The following TAF4B variants were observed in gnomAD, a reference collection of about 807,000 sequenced individuals.
TAF4B encodes transcription initiation factor TFIID subunit 4B.
Under a neutral mutation model 86.4 loss-of-function variants are expected in TAF4B, and 38 were observed. That is an observed-to-expected ratio of 0.44 (90% confidence interval 0.34 to 0.58). TAF4B has a LOEUF of 0.58. TAF4B is among the 20% of genes least tolerant of loss of function. The pLI is 0.02. For synonymous variants in TAF4B, 388 were observed against 391.2 expected (o/e 0.99, Z 0.10); for missense variants, 988 against 1,027.6 (o/e 0.96, Z 0.53).
At chr18:26,288,670 C>G (rs560328252) in intron 7 of TAF4B, among the ~76,000 whole-genome samples, 2 of 152,100 alleles carry the variant, frequency 1.3e-5, no homozygotes, top group South Asian at 4.2e-4. Context: ...AAAAAACAGT[C>G]AAGTAATGGA....
At chr18:26,349,961 A>G (rs2057231362) in intron 13 of TAF4B, among the ~76,000 whole-genome samples, 1 of 152,194 alleles carries the variant, frequency 6.6e-6, no homozygotes, top group Non-Finnish European at 1.5e-5. Flanking sequence ...TATACCAGGG[A>G]AAGCATGTTC....
Position 26,227,210 on chromosome 18 carries a change from A to T in TAF4B, c.277A>T (p.Ile93Leu). 2 of 1,613,976 alleles carry T rather than the reference A, an allele frequency of 1.2e-6. No individual in the cohort carries two copies. The highest frequency in any genetic ancestry group is 1.1e-5 in the South Asian group (1 of 91,050). ...SSGPRLPAPQ[I>L]VAVKAPNTTT... is the part of the protein sequence containing the mutation. ...CGGCCCTAGGCTGCCTGCTCCTCAG[A>T]TAGTCGCCGTGAAAGCCCCCAACAC... The change falls in exon 1 of 15, where the codon ATA (isoleucine) becomes TTA (leucine). Residue 93 changes from isoleucine (I) to leucine (L), a missense_variant. Transcript: ENST00000269142.
chr18:26,358,634 C>T lies in TAF4B; in HGVS notation c.2421+840C>T, dbSNP rs530952668. 1.6e-4 allele frequency among the ~76,000 whole-genome samples: 25 copies of T among 152,256 alleles called. No homozygotes were observed. In the South Asian group the frequency reaches 3.1e-3, roughly 19 times the overall value. On this transcript the variant is annotated intron_variant, in intron 14 of 14. Transcript: ENST00000269142. ...CTGAGGCAGGAGAATGGCGTGAACC[C>T]GGAAGGCGGAGGTTACAGTTTGCCA... is the stretch of plus-strand genomic sequence containing the variant.
intron 1 of TAF4B, among the ~76,000 whole-genome samples, chr18:26,252,829 T>A (rs993295679): frequency 2.7e-5 from 4 of 150,348 alleles, no homozygotes; most frequent in Non-Finnish European, 4.4e-5. Context: ...TTTTATTTAT[T>A]TATATATATT....
chr18:26,265,231 A>C lies in TAF4B; in HGVS notation c.405A>C (p.Val135=). 6.2e-7 allele frequency: 1 copy of C among 1,614,164 alleles called. No homozygotes were observed. Among genetic ancestry groups the C allele is most frequent in the African/African-American group, 1.3e-5 (1 of 75,036 alleles). The part of the protein sequence containing the change: ...PLMLVSPQQT[V]TRAETTSNIT... Reference sequence around the variant, plus strand: ...TGTTGGTATCTCCTCAGCAAACTGTAACAAGAGCCGAGACCACAAGTAACA... The same window carrying C: ...TGTTGGTATCTCCTCAGCAAACTGTCACAAGAGCCGAGACCACAAGTAACA... The change falls in exon 2 of 15, where the codon GTA becomes GTC. Residue 135 remains valine (V), a synonymous_variant. Transcript: ENST00000269142.
At chr18:26,306,611 T>C (rs1248841355) in intron 9 of TAF4B, among the ~76,000 whole-genome samples, 3 of 152,196 alleles carry the variant, frequency 2.0e-5, no homozygotes, top group Admixed American at 2.0e-4. Flanking sequence ...TAATCTCAGC[T>C]ATTTCTTAGA....
At chr18:26,332,181 G>A (rs2057055364) in intron 12 of TAF4B, among the ~76,000 whole-genome samples, 1 of 152,230 alleles carries the variant, frequency 6.6e-6, no homozygotes, top group South Asian at 2.1e-4. Context: ...CAAAATCCCA[G>A]GAGTCATCCT....
intron 1 of TAF4B, among the ~76,000 whole-genome samples, chr18:26,242,945 A>G (rs1484478536): frequency 6.6e-6 from 1 of 152,220 alleles, no homozygotes; most frequent in Non-Finnish European, 1.5e-5. Context: ...GTTTCTGCCA[A>G]GATATCTGCT....
At chr18:26,256,767 C>T (rs1457696545) in intron 1 of TAF4B, among the ~76,000 whole-genome samples, 5 of 150,178 alleles carry the variant, frequency 3.3e-5, no homozygotes, top group Admixed American at 6.6e-5. Context: ...TTCATTGACC[C>T]ATTGGTTACT....
At chr18:26,266,520 G>A (rs192099128) in intron 2 of TAF4B, among the ~76,000 whole-genome samples, 23 of 152,216 alleles carry the variant, frequency 1.5e-4, no homozygotes, top group Admixed American at 1.4e-3. Flanking sequence ...TACATCCATG[G>A]TGATCTTTCT....
chr18:26,262,503 C>T (rs532025924), intron 1 of TAF4B, among the ~76,000 whole-genome samples: 180 of 148,082 alleles, frequency 1.2e-3, no homozygotes, highest in African/African-American at 4.1e-3. Context: ...GAGACAGAAT[C>T]TCTCTGTGTT....
At chr18:26,261,805 A>T (rs1362294209) in intron 1 of TAF4B, among the ~76,000 whole-genome samples, 1 of 152,212 alleles carries the variant, frequency 6.6e-6, no homozygotes, top group Non-Finnish European at 1.5e-5. Context: ...TGTATCTCTC[A>T]TGAAGCTACC....
chr18:26,337,838 AT>A (rs2057105347), intron 13 of TAF4B, among the ~76,000 whole-genome samples: 1 of 152,138 alleles, frequency 6.6e-6, no homozygotes, highest in African/African-American at 2.4e-5. Context: ...TGGGTTGTGA[AT>A]TTTTGGTATT....
chr18:26,262,528 G>A (rs972102946), intron 1 of TAF4B, among the ~76,000 whole-genome samples: 3 of 150,648 alleles, frequency 2.0e-5, no homozygotes, highest in African/African-American at 7.3e-5. Flanking sequence ...AGGCTGGAGT[G>A]CAGTGACGCG....
chr18:26,277,842 T>C (rs926600577), intron 5 of TAF4B, among the ~76,000 whole-genome samples: 1 of 152,180 alleles, frequency 6.6e-6, no homozygotes, highest in Non-Finnish European at 1.5e-5. Context: ...ATTTAAGATA[T>C]CAAAATAACA....
chr18:26,241,475 TTTC>T (rs1454679516), intron 1 of TAF4B, among the ~76,000 whole-genome samples: 3 of 152,208 alleles, frequency 2.0e-5, no homozygotes, highest in African/African-American at 4.8e-5. Flanking sequence ...TCTTCTCTCT[TTTC>T]TTCTTTATTA....
At chr18:26,342,649 T>TACC (rs1259431031) in intron 13 of TAF4B, among the ~76,000 whole-genome samples, 1 of 152,210 alleles carries the variant, frequency 6.6e-6, no homozygotes, top group Non-Finnish European at 1.5e-5. Context: ...AAGAGATGAG[T>TACC]ACCTAACACC....
intron 1 of TAF4B, among the ~76,000 whole-genome samples, chr18:26,262,953 T>TA (rs1014190322): frequency 2.0e-5 from 3 of 151,958 alleles, no homozygotes; most frequent in African/African-American, 7.3e-5. Flanking sequence ...TTTTTTTTTT[T>TA]AAAAGATTTT....
chr18:26,267,474 C>T lies in TAF4B; in HGVS notation c.490-42C>T, dbSNP rs747160597. The T allele has an allele frequency of 3.7e-5, 49 of 1,326,740 alleles. 1 individual carries two copies. Among genetic ancestry groups the T allele is most frequent in the South Asian group, 1.4e-4 (12 of 84,986 alleles). 82.2% of individuals were successfully genotyped at this position (1,326,740 alleles called of 1,614,324 possible). A position where few individuals can be genotyped will look rare whatever the true frequency, so the allele number is the denominator to read the frequency against. ...TGCAGTACTGATCTTAAATTACTAA[C>T]GCTAATGACTTTGTGTTATCTTGCT... is the stretch of plus-strand genomic sequence containing the variant. On this transcript the variant is annotated intron_variant, in intron 2 of 14. Coordinates refer to ENST00000269142, the MANE Select transcript of TAF4B (RefSeq NM_005640.3).
Sources: gnomAD v4.1 joint callset for allele counts (sites outside exome capture counted in the v4.1 genomes callset) on GRCh38, gnomAD v4.1.1 for gene constraint, MANE v1.5 for transcripts, NCBI Gene and HGNC (gene_info 2026-07-23, HGNC 2026-07-21) for gene names.